The following PPARA variants were observed in gnomAD, a reference collection of about 807,000 sequenced individuals.
PPARA encodes peroxisome proliferator-activated receptor alpha.
In PPARA, 22 loss-of-function variants were observed where a neutral mutation model predicts 42.2. The ratio of observed to expected loss-of-function variants is 0.52; its 90% CI spans 0.37 to 0.74. The LOEUF (loss-of-function observed/expected upper bound fraction) is 0.74, where lower values mean the gene tolerates loss of function less well. PPARA is among the 30% of genes least tolerant of loss of function. The probability of loss-of-function intolerance (pLI) is 0.00; values close to 1 mark genes in which losing one functional copy is unlikely to be tolerated. For synonymous variants in PPARA, 242 were observed against 239.3 expected (o/e 1.01, Z -0.10); for missense variants, 465 against 608.2 (o/e 0.76, Z 2.48).
chr22:46,175,025 C>T (rs939822078), intron 2 of PPARA, among the ~76,000 whole-genome samples: 4 of 151,884 alleles, frequency 2.6e-5, no homozygotes, highest in Non-Finnish European at 5.9e-5. Context: ...GATTCTCCTG[C>T]CTCAGCCTCC....
intron 3 of PPARA, among the ~76,000 whole-genome samples, chr22:46,179,398 C>T (rs910549706): frequency 3.9e-5 from 6 of 151,974 alleles, no homozygotes; most frequent in African/African-American, 1.5e-4. Context: ...GATTAAATCC[C>T]ACATTCATTT....
chr22:46,213,675 C>G (rs4253726), intron 4 of PPARA, among the ~76,000 whole-genome samples: 1 of 151,546 alleles, frequency 6.6e-6, no homozygotes, highest in African/African-American at 2.4e-5. Flanking sequence ...CTGCAAGCTC[C>G]GCCTCCTGGG....
In PPARA at chr22:46,224,615, G is replaced by A. The variant is rs548867460; in HGVS notation, c.711+4601G>A. On this transcript the variant is annotated intron_variant, in intron 7 of 8. Transcript: ENST00000407236. The surrounding 1 kb of genome is among the most constrained non-coding windows in gnomAD (Gnocchi z 5.7). ...AAGGCACACTGACCTCAGGGCCGGC[G>A]GCTGACTTCATTTCTGTTTGGGGAT... Among the ~76,000 whole-genome samples, 2 of 152,268 alleles carry A rather than the reference G, an allele frequency of 1.3e-5. No homozygotes were observed. The highest frequency in any genetic ancestry group is 1.9e-4 in the East Asian group (1 of 5,178).
chr22:46,154,646 C>T (rs1924979110), intron 2 of PPARA, among the ~76,000 whole-genome samples: 1 of 151,958 alleles, frequency 6.6e-6, no homozygotes, highest in Non-Finnish European at 1.5e-5. Context: ...ATGTAATCAT[C>T]TTTAAGCAGT....
intron 4 of PPARA, among the ~76,000 whole-genome samples, chr22:46,213,233 G>C (rs1210781933): frequency 6.6e-6 from 1 of 152,072 alleles, no homozygotes; most frequent in Non-Finnish European, 1.5e-5. Context: ...TCAGTTTTGT[G>C]GATTTTAGTC....
At chr22:46,209,689 C>T (rs1214442840) in intron 4 of PPARA, among the ~76,000 whole-genome samples, 1 of 152,142 alleles carries the variant, frequency 6.6e-6, no homozygotes, top group African/African-American at 2.4e-5. Flanking sequence ...ATCTATATAA[C>T]ATGTCCAGTC....
At position 46,233,107 on chromosome 22, in the gene PPARA, T is replaced by C. The variant is rs1020282090; in HGVS notation, c.1159+868T>C. ...TTCCTGTATATATTATATAATGATG[T>C]TGTATTCATATTATAGACAATATTG... On this transcript the variant is annotated intron_variant, in intron 8 of 8. Transcript: ENST00000407236. This position sits in a 1 kb window ranked among gnomAD's most constrained non-coding sequence, Gnocchi z 7.3. 6.6e-6 allele frequency among the ~76,000 whole-genome samples: 1 copy of C among 151,830 alleles called. No homozygotes were observed. Among genetic ancestry groups the C allele is most frequent in the African/African-American group, 2.4e-5 (1 of 41,378 alleles).
At position 46,227,556 on chromosome 22, in the gene PPARA, T is replaced by G. The variant is rs1935554975; in HGVS notation, c.712-4236T>G. On this transcript the variant is annotated intron_variant, in intron 7 of 8. Coordinates refer to ENST00000407236, the MANE Select transcript of PPARA (RefSeq NM_005036.6). The surrounding 1 kb of genome is among the most constrained non-coding windows in gnomAD (Gnocchi z 4.3). Reference sequence around the variant, plus strand: ...CATGAGCTACTGCGCCTGGTCCACATTTAATTTTTTGCAAAAAGATGACAG... The same window carrying G: ...CATGAGCTACTGCGCCTGGTCCACAGTTAATTTTTTGCAAAAAGATGACAG... 6.6e-6 allele frequency among the ~76,000 whole-genome samples: 1 copy of G among 152,164 alleles called. No individual in the cohort carries two copies. The highest frequency in any genetic ancestry group is 1.9e-4 in the East Asian group (1 of 5,194).
intron 2 of PPARA, among the ~76,000 whole-genome samples, chr22:46,157,317 G>T (rs1320080557): frequency 6.6e-6 from 1 of 152,216 alleles, no homozygotes; most frequent in East Asian, 1.9e-4. Context: ...GCTGGCTGAA[G>T]GGGGAGGCAC....
chr22:46,228,387 T>C (rs548267117), intron 7 of PPARA, among the ~76,000 whole-genome samples: 3 of 144,600 alleles, frequency 2.1e-5, no homozygotes, highest in African/African-American at 8.5e-5. Context: ...ATACAGAAAT[T>C]AACCAGGCGT....
At position 46,242,397 on chromosome 22, in the gene PPARA, T is replaced by A. The variant is rs1936396124; in HGVS notation, c.*7017T>A. On this transcript the variant is annotated 3_prime_UTR_variant, in exon 9 of 9. Coordinates refer to ENST00000407236, the MANE Select transcript of PPARA (RefSeq NM_005036.6). This position sits in a 1 kb window ranked among gnomAD's most constrained non-coding sequence, Gnocchi z 6.1. Reference sequence around the variant, plus strand: ...CTTTTTTTAAGGCACAGTCAGTTCCTTTTCTCATGTACCTCACAAAAGATG... The same window carrying A: ...CTTTTTTTAAGGCACAGTCAGTTCCATTTCTCATGTACCTCACAAAAGATG... The A allele has an allele frequency of 6.6e-6, 1 of 152,658 alleles. No homozygotes were observed. Among genetic ancestry groups the A allele is most frequent in the Non-Finnish European group, 1.5e-5 (1 of 68,026 alleles). 9.5% of individuals were successfully genotyped at this position (152,658 alleles called of 1,614,324 possible).
intron 3 of PPARA, among the ~76,000 whole-genome samples, chr22:46,189,964 C>T (rs1041994262): frequency 6.6e-6 from 1 of 152,136 alleles, no homozygotes; most frequent in Admixed American, 6.5e-5. Flanking sequence ...CTCGGCCTCC[C>T]AAAGTGCTGG....
chr22:46,226,098 A>G (rs2147650401), intron 7 of PPARA, among the ~76,000 whole-genome samples: 1 of 150,698 alleles, frequency 6.6e-6, no homozygotes, highest in South Asian at 2.1e-4. Flanking sequence ...GCACACACAT[A>G]CCCTCACCTT....
At chr22:46,201,633 C>A (rs956989100) in intron 4 of PPARA, among the ~76,000 whole-genome samples, 1 of 152,094 alleles carries the variant, frequency 6.6e-6, no homozygotes, top group Non-Finnish European at 1.5e-5. Context: ...AGGCTGCCCA[C>A]ACACCTCACA....
chr22:46,213,146 G>T lies in PPARA; in HGVS notation c.209-2027G>T, dbSNP rs541273845. Among the ~76,000 whole-genome samples the T allele has an allele frequency of 2.0e-4, 30 of 152,226 alleles. No individual in the cohort carries two copies. The South Asian group carries it at 5.8e-3, about 30-fold the overall frequency. ...AAACTGCCAGAATGTCCTCCAAGGG[G>T]GCTGTCTCATGTTGCATTCCCACCA... On this transcript the variant is annotated intron_variant, in intron 4 of 8. Coordinates refer to ENST00000407236, the MANE Select transcript of PPARA (RefSeq NM_005036.6).
rs1283025970 is a variant in PPARA at position 46,173,834 on chromosome 22, G to A, written c.-126-2919G>A. Among the ~76,000 whole-genome samples the A allele has an allele frequency of 6.6e-6, 1 of 152,122 alleles. No individual in the cohort carries two copies. Among genetic ancestry groups the A allele is most frequent in the Non-Finnish European group, 1.5e-5 (1 of 68,040 alleles). On this transcript the variant is annotated intron_variant, in intron 2 of 8. Transcript: ENST00000407236. The surrounding 1 kb of genome is among the most constrained non-coding windows in gnomAD (Gnocchi z 4.3). ...AGCAAACGTGTAGTTTAGTATTTAG[G>A]AGAAAGGGCCATGAGGCATGCAACT...
chr22:46,190,856 G>C lies in PPARA; in HGVS notation c.-42-7486G>C, dbSNP rs923831743. On this transcript the variant is annotated intron_variant, in intron 3 of 8. Coordinates refer to ENST00000407236, the MANE Select transcript of PPARA (RefSeq NM_005036.6). This position sits in a 1 kb window ranked among gnomAD's most constrained non-coding sequence, Gnocchi z 5.6. ...TAAAGATGTTTTGATAGTTGGGACA[G>C]TATTCAGCTACCTGCTATTTAATAC... is the stretch of plus-strand genomic sequence containing the variant. Among the ~76,000 whole-genome samples the C allele has an allele frequency of 6.6e-6, 1 of 152,314 alleles. No homozygotes were observed. The highest frequency in any genetic ancestry group is 2.4e-5 in the African/African-American group (1 of 41,574).
At chr22:46,215,635 G>A (rs941151500) in intron 5 of PPARA, among the ~76,000 whole-genome samples, 2 of 151,954 alleles carry the variant, frequency 1.3e-5, no homozygotes, top group Non-Finnish European at 2.9e-5. Flanking sequence ...CCAGCTACTC[G>A]AGAGGCAAAG....
rs1933347406 is a variant in PPARA, at chr22:46,206,730, A to C, written c.208+8139A>C. On this transcript the variant is annotated intron_variant, in intron 4 of 8. Transcript: ENST00000407236. Reference sequence around the variant, plus strand: ...ATCTTTTTAAGATAGTAGTAAGAAAAATTTTTTACATTTACCCACATAATT... The same window carrying C: ...ATCTTTTTAAGATAGTAGTAAGAAACATTTTTTACATTTACCCACATAATT... 2.0e-5 allele frequency among the ~76,000 whole-genome samples: 3 copies of C among 152,186 alleles called. 1 individual carries two copies. The South Asian group carries it at 6.2e-4, about 32-fold the overall frequency.
Sources: allele counts gnomAD v4.1 joint callset (sites outside exome capture counted in the v4.1 genomes callset), GRCh38; gene constraint gnomAD v4.1.1; non-coding constraint Gnocchi (gnomAD v3.1); transcripts MANE v1.5; gene names NCBI Gene and HGNC (gene_info 2026-07-23, HGNC 2026-07-21).